CYP4F8: variants seen among roughly 807,000 people sequenced by gnomAD.
The protein encoded by CYP4F8 is cytochrome P450 4F8.
In CYP4F8, 56 loss-of-function variants were observed where a neutral mutation model predicts 55.0. That is an observed-to-expected ratio of 1.02 (90% CI 0.82 to 1.27). The LOEUF is 1.27. Ranked by LOEUF, CYP4F8 falls within the 50% of genes most tolerant of loss-of-function variation. CYP4F8 has a pLI of 0.00. For missense variants in CYP4F8, 680 were observed against 682.4 expected (o/e 1.00, Z 0.04); for synonymous variants, 288 against 267.3 (o/e 1.08, Z -0.76).
chr19:15,623,579 TG>T (rs879446541), intron 7 of CYP4F8, 119 bp from the exon 8 acceptor site: 17 of 1,258,046 alleles, frequency 1.4e-5, no homozygotes, highest in South Asian at 2.9e-5. Context: ...AGGAAGCATG[TG>T]GGGGTAGATC....
intron 9 of CYP4F8, among the ~76,000 whole-genome samples, chr19:15,627,003 C>T (rs183260534): frequency 3.3e-5 from 5 of 152,228 alleles, no homozygotes; most frequent in African/African-American, 1.2e-4. Flanking sequence ...GTTAAGTTTC[C>T]CCCTATTCAC....
chr19:15,628,687 A>T, intron 11 of CYP4F8, 74 bp from the exon 12 acceptor site: 1 of 1,605,622 alleles, frequency 6.2e-7, no homozygotes, highest in South Asian at 1.1e-5. Flanking sequence ...TACTCCACCC[A>T]CATCTGTTTT....
intron 1 of CYP4F8, 90 bp downstream of exon 1, chr19:15,615,370 TTGCAGGTAACC>T: frequency 2.4e-6 from 1 of 412,964 alleles, no homozygotes; most frequent in Non-Finnish European, 4.3e-6. Flanking sequence ...TGATGGGTGC[TTGCAGGTAACC>T]AGAGGTCAAG....
chr19:15,619,591 G>A, intron 4 of CYP4F8, 44 bp from the exon 5 acceptor site: 1 of 1,614,134 alleles, frequency 6.2e-7, no homozygotes, highest in South Asian at 1.1e-5. Flanking sequence ...TTGTGGCCAG[G>A]GGAAGATTCT....
In CYP4F8 at chr19:15,630,019, A is replaced by G. The variant is rs1037329496; in HGVS notation, c.*661A>G. The G allele has an allele frequency of 1.3e-5, 2 of 150,232 alleles. No individual in the cohort carries two copies. The highest frequency in any genetic ancestry group is 4.9e-5 in the African/African-American group (2 of 41,164). The allele number at this position is 150,232 out of a possible 1,614,324, so 9.3% of individuals were successfully genotyped here. On this transcript the variant is annotated 3_prime_UTR_variant, in exon 13 of 13. Transcript: ENST00000612078. The stretch of plus-strand genomic sequence containing the variant: ...TGAGTAGATAGGATAACAGGCGCCT[A>G]CCACCACACCCGGCTAATTGTATTT...
At chr19:15,624,312 C>T (rs1444653130) in intron 9 of CYP4F8, among the ~76,000 whole-genome samples, 1 of 152,160 alleles carries the variant, frequency 6.6e-6, no homozygotes, top group African/African-American at 2.4e-5. Context: ...TCCCCACTAA[C>T]TTGCTATGCA....
intron 9 of CYP4F8, 75 bp from the exon 10 acceptor site, chr19:15,628,227 A>G: frequency 1.9e-6 from 3 of 1,595,898 alleles, no homozygotes. Context: ...GGTCAGAGGG[A>G]GGTGGTGAGA....
rs1157862621 is a variant in CYP4F8, at chr19:15,630,382, T to G, written c.*1024T>G. On this transcript the variant is annotated 3_prime_UTR_variant, in exon 13 of 13. Transcript: ENST00000612078. ...CATCTTTATTACCATGTGTATCCAA[T>G]GCATACCTCCCACTTATAAGTGAGA... 3 of 152,194 alleles carry G rather than the reference T, an allele frequency of 2.0e-5. No homozygotes were observed. Among genetic ancestry groups the G allele is most frequent in the East Asian group, 3.9e-4 (2 of 5,186 alleles). The allele number at this position is 152,194 out of a possible 1,614,324, so 9.4% of individuals were successfully genotyped here.
At chr19:15,619,362 T>C in intron 3 of CYP4F8, 128 bp from the exon 4 acceptor site, 1 of 1,019,740 alleles carries the variant, frequency 9.8e-7, no homozygotes, top group South Asian at 1.6e-5. Context: ...CTTCTGCCCA[T>C]GGCCTCCTTC....
intron 1 of CYP4F8, 55 bp from the exon 2 acceptor site, chr19:15,615,561 C>G: frequency 6.3e-7 from 1 of 1,580,908 alleles, no homozygotes; most frequent in East Asian, 2.3e-5. Context: ...CCTGGAGCTC[C>G]CCAGCCCCTT....
At chr19:15,617,134 G>T in intron 2 of CYP4F8, among the ~76,000 whole-genome samples, 1 of 152,150 alleles carries the variant, frequency 6.6e-6, no homozygotes, top group East Asian at 1.9e-4. Context: ...AGGCCACATT[G>T]CTGCCCACAC....
At chr19:15,624,891 G>T (rs1972242708) in intron 9 of CYP4F8, among the ~76,000 whole-genome samples, 1 of 151,640 alleles carries the variant, frequency 6.6e-6, no homozygotes, top group South Asian at 2.1e-4. Flanking sequence ...TTCTACTTTG[G>T]GTCGTACTAG....
intron 1 of CYP4F8, 28 bp from the exon 2 acceptor site, chr19:15,615,588 C>T: frequency 6.2e-7 from 1 of 1,610,298 alleles, no homozygotes; most frequent in Non-Finnish European, 8.5e-7. Context: ...GCCTCAGGAC[C>T]TCACCCTCCA....
chr19:15,625,696 C>T (rs1416279771), intron 9 of CYP4F8, among the ~76,000 whole-genome samples: 1 of 151,962 alleles, frequency 6.6e-6, no homozygotes, highest in East Asian at 1.9e-4. Flanking sequence ...GCCAGTTTGA[C>T]AAATACTTTT....
chr19:15,626,638 T>TATCTATCTATCTATC (rs1555738332), intron 9 of CYP4F8, among the ~76,000 whole-genome samples: 1 of 151,992 alleles, frequency 6.6e-6, no homozygotes, highest in Non-Finnish European at 1.5e-5. Context: ...TCTATCTATC[T>TATCTATCTATCTATC]ATCTATCTTA....
chr19:15,615,849 G>A (rs375613341), intron 2 of CYP4F8, 35 bp downstream of exon 2: 68 of 1,560,880 alleles, frequency 4.4e-5, no homozygotes, highest in Non-Finnish European at 5.8e-5. Flanking sequence ...GTGTCTCAGG[G>A]TGGAAGGGTG....
rs966193870 is a variant in CYP4F8, at chr19:15,628,522, G to A, written c.1250-9G>A. On this transcript the variant is annotated splice_polypyrimidine_tract_variant and intron_variant, in intron 10 of 12. Coordinates refer to ENST00000612078, the MANE Select transcript of CYP4F8 (RefSeq NM_007253.4). ...GACCTTGTTCTTACTGTCCTCTCCT[G>A]CACGACAGGGAATGTCTGTAACATC... 1 of 1,613,708 alleles carries A rather than the reference G, an allele frequency of 6.2e-7. No homozygotes were observed.
chr19:15,620,777 G>A lies in CYP4F8; in HGVS notation c.525+1015G>A, dbSNP rs180944211. Among the ~76,000 whole-genome samples the A allele has an allele frequency of 1.9e-3, 289 of 152,316 alleles. 1 individual carries two copies. The highest frequency in any genetic ancestry group is 6.8e-3 in the Middle Eastern group (2 of 294). ...AACGTCCACCATGAATCAATGTGGG[G>A]CAAAATAGGCTCCATCTCTTAATGG... On this transcript the variant is annotated intron_variant, in intron 5 of 12. Transcript: ENST00000612078.
intron 9 of CYP4F8, among the ~76,000 whole-genome samples, chr19:15,626,582 A>G (rs8107240): frequency 0.9 from 137,347 of 152,132 alleles, 62,046 homozygotes; most frequent in Admixed American, 0.95. Flanking sequence ...AGGAATTCCT[A>G]ACATATTCAG....
Sources: gnomAD v4.1 joint callset for allele counts (sites outside exome capture counted in the v4.1 genomes callset) on GRCh38, gnomAD v4.1.1 for gene constraint, MANE v1.5 for transcripts, NCBI Gene and HGNC (gene_info 2026-07-23, HGNC 2026-07-21) for gene names.